MYO10: variants seen among roughly 807,000 people sequenced by gnomAD.
MYO10 encodes the protein unconventional myosin-X.
MYO10 carries 133 observed loss-of-function variants against 257.3 expected under a neutral mutation model. The ratio of observed to expected loss-of-function variants is 0.52; its 90% CI spans 0.45 to 0.60. The LOEUF (loss-of-function observed/expected upper bound fraction) is 0.60, where lower values mean the gene tolerates loss of function less well. Ranked by LOEUF, MYO10 falls within the 20% of genes least tolerant of loss-of-function variation. MYO10 has a pLI of 0.00. For missense variants in MYO10, 2,399 were observed against 2,635.7 expected (o/e 0.91, Z 1.97); for synonymous variants, 1,104 against 1,028.6 (o/e 1.07, Z -1.40).
At chr5:16,805,475 A>G (rs33399) in intron 3 of MYO10, among the ~76,000 whole-genome samples, 57,105 of 145,450 alleles carry the variant, frequency 0.39, 11,938 homozygotes, top group Non-Finnish European at 0.45. Context: ...AAAAAAAAAA[A>G]AAAAAGAAAA....
intron 4 of MYO10, among the ~76,000 whole-genome samples, chr5:16,784,115 G>C (rs1374089700): frequency 6.6e-6 from 1 of 152,188 alleles, no homozygotes; most frequent in African/African-American, 2.4e-5. Flanking sequence ...AGGGAAGGGA[G>C]GCAAAGGACA....
rs756906666 is a variant in MYO10 at position 16,694,488 on chromosome 5, G to T, written c.3683C>A (p.Thr1228Lys). ...WLHKKGGGSS[T>K]LSRRNWKKRW... ...CTTCTTCCAATTTCTCCTGGACAGC[G>T]TGGAGGAGCCCCCCCCTTTTTTGTG... The change falls in exon 27 of 41, where the codon ACG becomes AAG. Residue 1228 changes from threonine to lysine, a missense_variant. Thr to Lys is a moderately conservative substitution (Grantham distance 78, BLOSUM62 -1). Transcript: ENST00000513610. 1 of 1,614,008 alleles carries T rather than the reference G, an allele frequency of 6.2e-7. No individual in the cohort carries two copies. The highest frequency in any genetic ancestry group is 1.1e-5 in the South Asian group (1 of 91,090).
rs769989718 is a variant in MYO10 at position 16,835,769 on chromosome 5, CA to C, written c.121-17603del. Among the ~76,000 whole-genome samples the C allele has an allele frequency of 7.9e-4, 115 of 145,810 alleles. No individual in the cohort carries two copies. In the East Asian group the frequency reaches 0.02, roughly 26 times the overall value. On this transcript the variant is annotated intron_variant, in intron 2 of 40. Transcript: ENST00000513610. ...AGAAGGCCAGAAAGAAGAAAGACCC[CA>C]AAAAAAAGTAGGTTACTAATTAAGG...
At chr5:16,865,132 C>A (rs1744208498) in intron 2 of MYO10, among the ~76,000 whole-genome samples, 1 of 151,892 alleles carries the variant, frequency 6.6e-6, no homozygotes, top group African/African-American at 2.4e-5. Flanking sequence ...CCAAGAATAA[C>A]AGATGGAGCA....
chr5:16,863,691 T>C (rs1020802851), intron 2 of MYO10, among the ~76,000 whole-genome samples: 2 of 152,164 alleles, frequency 1.3e-5, no homozygotes, highest in African/African-American at 4.8e-5. Context: ...CAGAATATGT[T>C]TCTAGAGTTA....
intron 1 of MYO10, among the ~76,000 whole-genome samples, chr5:16,883,113 C>T (rs1278625685): frequency 6.6e-6 from 1 of 152,000 alleles, no homozygotes. Flanking sequence ...GACGAGGTTT[C>T]ACCGTGTTAG....
At chr5:16,922,213 C>CAAA (rs370180899) in intron 1 of MYO10, among the ~76,000 whole-genome samples, 1 of 126,024 alleles carries the variant, frequency 7.9e-6, no homozygotes, top group Non-Finnish European at 1.7e-5. Flanking sequence ...GACTCCGTCT[C>CAAA]AAAAAAAAAA....
rs553865063 is a variant in MYO10 at position 16,717,263 on chromosome 5, T to C, written c.1930-6018A>G. Among the ~76,000 whole-genome samples the C allele has an allele frequency of 4.6e-5, 7 of 152,306 alleles. No homozygotes were observed. In the South Asian group the frequency reaches 8.3e-4, roughly 18 times the overall value. Reference sequence around the variant, plus strand: ...TCAAACCTATTTTCCTACTGACACATTATAAAACTGGGAAATATTACCATG... The same window carrying C: ...TCAAACCTATTTTCCTACTGACACACTATAAAACTGGGAAATATTACCATG... On this transcript the variant is annotated intron_variant, in intron 19 of 40. Coordinates refer to ENST00000513610, the MANE Select transcript of MYO10 (RefSeq NM_012334.3).
In MYO10 at chr5:16,679,949, T is replaced by C. The variant is rs1310760355; in HGVS notation, c.4540A>G (p.Lys1514Glu). 6.2e-7 allele frequency: 1 copy of C among 1,613,568 alleles called. No individual in the cohort carries two copies. Among genetic ancestry groups the C allele is most frequent in the South Asian group, 1.1e-5 (1 of 91,018 alleles). The change falls in exon 33 of 41, where the codon AAG becomes GAG. Residue 1514 changes from lysine (K) to glutamate (E), a missense_variant and splice_region_variant. Lys to Glu is a moderately conservative substitution (Grantham distance 56, BLOSUM62 1). Around this residue, in one of 3 missense-constraint regions of MYO10, gnomAD observed 1,820 missense variants for 1,939.4 expected, o/e 0.94. Coordinates refer to ENST00000513610, the MANE Select transcript of MYO10 (RefSeq NM_012334.3). ...TPTQQLIQDIKENCLNSDVVE... is the reference protein window; with the variant it reads ...TPTQQLIQDIEENCLNSDVVE... ...TTGATGGGCTTGTCTTGGCTTACCT[T>C]GATATCTTGAATCAGCTGCTGGGTG...
intron 2 of MYO10, among the ~76,000 whole-genome samples, chr5:16,856,691 C>T (rs534393216): frequency 2.6e-5 from 4 of 152,156 alleles, no homozygotes; most frequent in East Asian, 1.9e-4. Flanking sequence ...CTCAAGCTTC[C>T]GGGATCTGAT....
chr5:16,844,947 C>T (rs992564282), intron 2 of MYO10, among the ~76,000 whole-genome samples: 1 of 131,196 alleles, frequency 7.6e-6, no homozygotes, highest in African/African-American at 3.4e-5. Flanking sequence ...TACACACACA[C>T]ACACACGCAC....
At chr5:16,893,607 C>G (rs1745132118) in intron 1 of MYO10, among the ~76,000 whole-genome samples, 1 of 140,814 alleles carries the variant, frequency 7.1e-6, no homozygotes, top group Non-Finnish European at 1.5e-5. Flanking sequence ...ACACTCCAGC[C>G]TGGGTGAGGG....
At chr5:16,782,947 G>A (rs1440596830) in intron 5 of MYO10, among the ~76,000 whole-genome samples, 1 of 152,178 alleles carries the variant, frequency 6.6e-6, no homozygotes, top group Non-Finnish European at 1.5e-5. Context: ...CACAGTGGCT[G>A]GGGGCTGACA....
At chr5:16,766,893 CTGAG>C (rs1740888029) in intron 10 of MYO10, among the ~76,000 whole-genome samples, 4 of 151,356 alleles carry the variant, frequency 2.6e-5, no homozygotes, top group Admixed American at 2.0e-4. Context: ...CCTCAGCCTC[CTGAG>C]TATTTTTAGT....
At chr5:16,761,082 C>T (rs1740698970) in intron 17 of MYO10, among the ~76,000 whole-genome samples, 1 of 152,036 alleles carries the variant, frequency 6.6e-6, no homozygotes, top group South Asian at 2.1e-4. Flanking sequence ...CCTCCACCTC[C>T]CAGGTTAAAG....
At position 16,935,916 on chromosome 5, in the gene MYO10, G is replaced by A. The variant is rs3853120; in HGVS notation, c.-108C>T. Reference sequence around the variant, plus strand: ...GTGTCACGGCGCCACTCCCGAGGACGCGCGCCCGCGGGGCTCCCCTGCTGC... The same window carrying A: ...GTGTCACGGCGCCACTCCCGAGGACACGCGCCCGCGGGGCTCCCCTGCTGC... On this transcript the variant is annotated 5_prime_UTR_variant, in exon 1 of 41. Coordinates refer to ENST00000513610, the MANE Select transcript of MYO10 (RefSeq NM_012334.3). The A allele has an allele frequency of 2.4e-3, 3,368 of 1,400,448 alleles. 71 individuals carry two copies. The African/African-American group carries it at 0.044, about 18-fold the overall frequency. 86.8% of individuals were successfully genotyped at this position (1,400,448 alleles called of 1,614,324 possible).
intron 36 of MYO10, among the ~76,000 whole-genome samples, chr5:16,673,295 T>C (rs1313657815): frequency 6.6e-6 from 1 of 151,960 alleles, no homozygotes; most frequent in Non-Finnish European, 1.5e-5. Flanking sequence ...AAGTTCAAAT[T>C]TTAAAAAGAA....
intron 22 of MYO10, among the ~76,000 whole-genome samples, chr5:16,704,167 T>C (rs1738222062): frequency 6.6e-6 from 1 of 151,746 alleles, no homozygotes; most frequent in Admixed American, 6.6e-5. Flanking sequence ...AAAAAAAATT[T>C]TTTTTTAATT....
At chr5:16,765,340 C>T (rs542123580) in intron 11 of MYO10, among the ~76,000 whole-genome samples, 3 of 152,250 alleles carry the variant, frequency 2.0e-5, no homozygotes, top group Admixed American at 6.5e-5. Flanking sequence ...TCTCCCATGC[C>T]GGATGCTTCC....
Sources: gnomAD v4.1 joint callset for allele counts (sites outside exome capture counted in the v4.1 genomes callset) on GRCh38, gnomAD v4.1.1 for gene constraint, gnomAD v4.1.1 regional missense constraint, MANE v1.5 for transcripts, NCBI Gene and HGNC (gene_info 2026-07-23, HGNC 2026-07-21) for gene names.